Variants in NKAIN3 observed in about 807,000 individuals in gnomAD.
NKAIN3 encodes the protein sodium/potassium-transporting ATPase subunit beta-1-interacting protein 3.
Under a neutral mutation model 30.2 loss-of-function variants are expected in NKAIN3, and 25 were observed. The ratio of observed to expected loss-of-function variants is 0.83; its 90% CI spans 0.60 to 1.16. NKAIN3 has a LOEUF of 1.16. NKAIN3 is among the 50% of genes most tolerant of loss of function. The pLI, the probability that NKAIN3 is intolerant of heterozygous loss-of-function variation, is 0.00. For missense variants in NKAIN3, 225 were observed against 254.1 expected (o/e 0.89, Z 0.78); for synonymous variants, 91 against 89.6 (o/e 1.02, Z -0.09).
intron 4 of NKAIN3, among the ~76,000 whole-genome samples, chr8:62,779,232 C>G (rs1204292772): frequency 2.6e-5 from 4 of 152,094 alleles, no homozygotes; most frequent in Non-Finnish European, 5.9e-5. Context: ...CTCACTAGGT[C>G]ACATGCTCCC....
At chr8:62,937,940 T>C (rs1486209297) in intron 5 of NKAIN3, among the ~76,000 whole-genome samples, 1 of 152,002 alleles carries the variant, frequency 6.6e-6, no homozygotes, top group South Asian at 2.1e-4. Flanking sequence ...TTTCTCCCAC[T>C]ACCCTGGCAA....
At chr8:62,919,003 T>A (rs1822191148) in intron 5 of NKAIN3, among the ~76,000 whole-genome samples, 2 of 148,848 alleles carry the variant, frequency 1.3e-5, no homozygotes, top group South Asian at 2.1e-4. Flanking sequence ...AAAAAAAAAA[T>A]TTACGAGGTG....
intron 4 of NKAIN3, among the ~76,000 whole-genome samples, chr8:62,784,220 T>G (rs748920739): frequency 6.6e-6 from 1 of 151,884 alleles, no homozygotes; most frequent in African/African-American, 2.4e-5. Context: ...TCACTTCAAG[T>G]AACTAGAAGA....
intron 4 of NKAIN3, chr8:62,856,709 T>C (rs1820069758): frequency 5.5e-6 from 4 of 730,590 alleles, no homozygotes; most frequent in Admixed American, 1.9e-5. Flanking sequence ...GGAAACGTTT[T>C]TGTTCCTGCT....
chr8:62,817,703 TC>T (rs1193303114), intron 4 of NKAIN3, among the ~76,000 whole-genome samples: 1 of 152,150 alleles, frequency 6.6e-6, no homozygotes, highest in Non-Finnish European at 1.5e-5. Context: ...AGAGCCATTC[TC>T]CCCTTTTCCA....
intron 2 of NKAIN3, among the ~76,000 whole-genome samples, chr8:62,586,510 C>T (rs1810481141): frequency 6.6e-6 from 1 of 151,972 alleles, no homozygotes; most frequent in African/African-American, 2.4e-5. Context: ...AAAAATGTTA[C>T]AACAATGACT....
chr8:62,796,306 C>T (rs1457113608), intron 4 of NKAIN3, among the ~76,000 whole-genome samples: 2 of 141,422 alleles, frequency 1.4e-5, no homozygotes, highest in Non-Finnish European at 3.0e-5. Context: ...ATCGCTTGAA[C>T]CTGGGAGGTG....
chr8:62,898,290 A>G (rs1038080771), intron 4 of NKAIN3, among the ~76,000 whole-genome samples: 1 of 152,218 alleles, frequency 6.6e-6, no homozygotes, highest in African/African-American at 2.4e-5. Flanking sequence ...ATAATTCACA[A>G]TTGCAAAGAT....
chr8:62,734,740 T>G (rs1002739124), intron 3 of NKAIN3, among the ~76,000 whole-genome samples: 1 of 152,196 alleles, frequency 6.6e-6, no homozygotes, highest in East Asian at 1.9e-4. Flanking sequence ...GCAAGAAAGA[T>G]AAATGCCAAG....
intron 3 of NKAIN3, among the ~76,000 whole-genome samples, chr8:62,706,938 G>T (rs925503145): frequency 2.0e-5 from 3 of 151,868 alleles, no homozygotes; most frequent in Admixed American, 6.6e-5. Flanking sequence ...TACGACATTT[G>T]AGTGTCCATT....
intron 3 of NKAIN3, among the ~76,000 whole-genome samples, chr8:62,695,041 A>G (rs1024493628): frequency 6.6e-6 from 1 of 152,160 alleles, no homozygotes; most frequent in Non-Finnish European, 1.5e-5. Flanking sequence ...AAGTGCATCT[A>G]TCCCTATGCG....
At chr8:62,487,432 A>G (rs1250527539) in intron 1 of NKAIN3, among the ~76,000 whole-genome samples, 1 of 152,204 alleles carries the variant, frequency 6.6e-6, no homozygotes, top group Non-Finnish European at 1.5e-5. Context: ...GATAAGGGCA[A>G]TATGGACAAT....
chr8:62,476,327 C>T (rs1225291171), intron 1 of NKAIN3, among the ~76,000 whole-genome samples: 1 of 152,082 alleles, frequency 6.6e-6, no homozygotes, highest in Non-Finnish European at 1.5e-5. Flanking sequence ...ATTTTTGAAA[C>T]TGTTATTGTG....
At position 62,345,553 on chromosome 8, in the gene NKAIN3, GTATATATACACATATATA is replaced by G. The variant is rs1563942931; in HGVS notation, c.54+96427_54+96444del. Reference sequence around the variant, plus strand: ...TATACACACATATATACACATATATGTATATATACACATATATACACATATATGTATATACACACATAT... The same window carrying G: ...TATACACACATATATACACATATATGCACATATATGTATATACACACATAT... On this transcript the variant is annotated intron_variant, in intron 1 of 6. Coordinates refer to ENST00000623646, the MANE Select transcript of NKAIN3 (RefSeq NM_001304533.3). Among the ~76,000 whole-genome samples the G allele has an allele frequency of 2.8e-3, 324 of 113,818 alleles. 1 individual carries two copies. The highest frequency in any genetic ancestry group is 0.012 in the African/African-American group (299 of 24,370). The allele number at this position is 113,818 out of a possible 152,430, so 74.7% of individuals were successfully genotyped here. A position where few individuals can be genotyped will look rare whatever the true frequency, so the allele number is the denominator to read the frequency against.
intron 1 of NKAIN3, among the ~76,000 whole-genome samples, chr8:62,354,480 G>C (rs912393002): frequency 1.3e-5 from 2 of 152,154 alleles, no homozygotes; most frequent in South Asian, 2.1e-4. Flanking sequence ...CGGAGTCTCT[G>C]TCATGCAGGC....
intron 3 of NKAIN3, among the ~76,000 whole-genome samples, chr8:62,731,955 A>ATTT (rs200192526): frequency 6.8e-6 from 1 of 146,658 alleles, no homozygotes; most frequent in African/African-American, 2.5e-5. Context: ...TTGAGATTTC[A>ATTT]TTTTTTTTTT....
rs552370515 is a variant in NKAIN3, at chr8:62,438,162, C to G, written c.55-141377C>G. 6.6e-5 allele frequency among the ~76,000 whole-genome samples: 10 copies of G among 152,342 alleles called. No homozygotes were observed. The East Asian group carries it at 1.9e-3, about 29-fold the overall frequency. On this transcript the variant is annotated intron_variant, in intron 1 of 6. Transcript: ENST00000623646. Reference sequence around the variant, plus strand: ...CCTGGCTCCACACTCCTCTTCTGGGCTGCTTTGCTATCCCAGCTGCCCTCT... The same window carrying G: ...CCTGGCTCCACACTCCTCTTCTGGGGTGCTTTGCTATCCCAGCTGCCCTCT...
At chr8:62,952,829 T>C (rs1031232414) in intron 5 of NKAIN3, among the ~76,000 whole-genome samples, 1 of 152,200 alleles carries the variant, frequency 6.6e-6, no homozygotes, top group Non-Finnish European at 1.5e-5. Flanking sequence ...AATTTTATAA[T>C]TTCCCTTTGA....
intron 4 of NKAIN3, among the ~76,000 whole-genome samples, chr8:62,852,929 T>C (rs1819953190): frequency 6.6e-6 from 1 of 152,334 alleles, no homozygotes; most frequent in Admixed American, 6.5e-5. Flanking sequence ...ATGTATATTC[T>C]GTTGATTTGA....
Sources: gnomAD v4.1 joint callset for allele counts (sites outside exome capture counted in the v4.1 genomes callset) on GRCh38, gnomAD v4.1.1 for gene constraint, MANE v1.5 for transcripts, NCBI Gene and HGNC (gene_info 2026-07-23, HGNC 2026-07-21) for gene names.